MCF2L2: variants seen among roughly 807,000 people sequenced by gnomAD.
MCF2L2 encodes probable guanine nucleotide exchange factor MCF2L2.
A neutral mutation model predicts 150.2 loss-of-function variants in MCF2L2; 102 were observed. The observed-to-expected ratio is 0.68, with a 90% CI of 0.58 to 0.80. MCF2L2 has a LOEUF of 0.80. Ranked by LOEUF, MCF2L2 falls within the 30% of genes least tolerant of loss-of-function variation. MCF2L2 has a pLI of 0.00. For missense variants in MCF2L2, 1,256 were observed against 1,372.8 expected, an observed-to-expected ratio of 0.91 and a Z score of 1.34; for synonymous variants, 465 against 491.3, an observed-to-expected ratio of 0.95 and a Z score of 0.71.
rs1397789361 is a variant in MCF2L2 at position 183,185,816 on chromosome 3, G to T, written c.3017-5657C>A. Among the ~76,000 whole-genome samples, 52 of 152,172 alleles carry T rather than the reference G, an allele frequency of 3.4e-4. 1 individual carries two copies. The highest frequency in any genetic ancestry group is 4.4e-5 in the Non-Finnish European group (3 of 68,038). On this transcript the variant is annotated intron_variant, in intron 27 of 29. Transcript: ENST00000328913. ...GCTGAAACGTCTATTTCATTTGCAAGCCTATCTTTGGCTAAGAGGAAGTGA... is the reference window on the plus strand; with the variant it reads ...GCTGAAACGTCTATTTCATTTGCAATCCTATCTTTGGCTAAGAGGAAGTGA...
At chr3:183,289,051 A>T in intron 14 of MCF2L2, 69 bp downstream of exon 14, 1 of 1,018,442 alleles carries the variant, frequency 9.8e-7, no homozygotes, top group Non-Finnish European at 1.5e-6. Flanking sequence ...TTGTTGATTT[A>T]TTGATAATTG....
At chr3:183,312,698 C>T (rs6790320) in intron 7 of MCF2L2, among the ~76,000 whole-genome samples, 21,422 of 152,192 alleles carry the variant, frequency 0.14, 4,088 homozygotes, top group African/African-American at 0.43. Context: ...GAGCTCATTC[C>T]CTGTGGGAAG....
At chr3:183,261,335 G>GA (rs750640485) in intron 15 of MCF2L2, among the ~76,000 whole-genome samples, 110 of 152,148 alleles carry the variant, frequency 7.2e-4, no homozygotes, top group Admixed American at 3.2e-3. Flanking sequence ...AAGAAGCCAG[G>GA]AAAAAATACT....
At chr3:183,214,922 C>T (rs1011530100) in intron 22 of MCF2L2, among the ~76,000 whole-genome samples, 5 of 151,908 alleles carry the variant, frequency 3.3e-5, no homozygotes, top group Admixed American at 1.3e-4. Context: ...TTGAACCTGG[C>T]GGGCAGAGGT....
intron 15 of MCF2L2, among the ~76,000 whole-genome samples, chr3:183,263,437 A>T (rs1725804738): frequency 6.6e-6 from 1 of 152,096 alleles, no homozygotes; most frequent in Non-Finnish European, 1.5e-5. Flanking sequence ...TAGAGCTCCA[A>T]GACCAGGGCC....
At chr3:183,316,033 G>A (rs1413998372) in intron 7 of MCF2L2, among the ~76,000 whole-genome samples, 1 of 152,162 alleles carries the variant, frequency 6.6e-6, no homozygotes, top group Non-Finnish European at 1.5e-5. Flanking sequence ...GCCGCGCTGG[G>A]CGTCCTTCCC....
intron 6 of MCF2L2, among the ~76,000 whole-genome samples, chr3:183,319,868 A>G (rs759287128): frequency 1.6e-4 from 24 of 152,098 alleles, no homozygotes; most frequent in Non-Finnish European, 2.8e-4. Flanking sequence ...ATTTAGCCTC[A>G]TTCTTAAGGG....
rs1415719431 is a variant in MCF2L2, at chr3:183,179,825, G to C, written c.3106-133C>G. 1.2e-6 allele frequency: 1 copy of C among 805,234 alleles called. No individual in the cohort carries two copies. The highest frequency in any genetic ancestry group is 2.5e-5 in the East Asian group (1 of 40,468). 49.9% of individuals were successfully genotyped at this position (805,234 alleles called of 1,614,324 possible). A position where few individuals can be genotyped will look rare whatever the true frequency, so the allele number is the denominator to read the frequency against. ...CCACCTGGGCCACGGGGCTCTCAGC[G>C]GGAGCCCCAGTTATGACCGGACACC... On this transcript the variant is annotated intron_variant, in intron 28 of 29. Coordinates refer to ENST00000328913, the MANE Select transcript of MCF2L2 (RefSeq NM_015078.4). The surrounding 1 kb of genome is among the most constrained non-coding windows in gnomAD (Gnocchi z 4.2).
In MCF2L2 at chr3:183,269,913, A is replaced by T. The variant is rs768693471; in HGVS notation, c.1862+6959T>A. On this transcript the variant is annotated intron_variant, in intron 15 of 29. Transcript: ENST00000328913. ...TTTTTGGGAACCAATCGATAATCAC[A>T]TTGTGAGCCATATGAAGTCATATTC... 5.6e-6 allele frequency: 9 copies of T among 1,614,014 alleles called. No individual in the cohort carries two copies. In the South Asian group the frequency reaches 9.9e-5, roughly 18 times the overall value.
At chr3:183,201,422 CTGTT>C (rs1482970448) in intron 25 of MCF2L2, among the ~76,000 whole-genome samples, 3 of 152,128 alleles carry the variant, frequency 2.0e-5, no homozygotes, top group Non-Finnish European at 4.4e-5. Context: ...ATTTGGCTCT[CTGTT>C]TGTCTGTTAT....
rs1293171703 is a variant in MCF2L2 at position 183,270,464 on chromosome 3, T to C, written c.1862+6408A>G. 3 of 1,614,106 alleles carry C rather than the reference T, an allele frequency of 1.9e-6. No homozygotes were observed. The highest frequency in any genetic ancestry group is 2.5e-6 in the Non-Finnish European group (3 of 1,180,044). ...GTGTTCAAGACTTTTGGATTGGTCG[T>C]GTTCATCGTGGTGCCCCTCCCATTA... On this transcript the variant is annotated intron_variant, in intron 15 of 29. Transcript: ENST00000328913. The surrounding 1 kb of genome is among the most constrained non-coding windows in gnomAD (Gnocchi z 4.5).
intron 5 of MCF2L2, among the ~76,000 whole-genome samples, chr3:183,334,793 CAAAA>C (rs576703262): frequency 2.3e-5 from 2 of 88,544 alleles, no homozygotes; most frequent in Non-Finnish European, 2.6e-5. Flanking sequence ...AACTCCATTT[CAAAA>C]AAAAAAAAAA....
intron 1 of MCF2L2, among the ~76,000 whole-genome samples, chr3:183,425,903 C>A (rs1038213414): frequency 1.3e-5 from 2 of 151,426 alleles, no homozygotes; most frequent in Non-Finnish European, 2.9e-5. Flanking sequence ...TGCAGTGAGT[C>A]GAGATCACAC....
At chr3:183,204,746 A>G (rs1043804672) in intron 25 of MCF2L2, among the ~76,000 whole-genome samples, 2 of 152,226 alleles carry the variant, frequency 1.3e-5, no homozygotes, top group Non-Finnish European at 2.9e-5. Flanking sequence ...AAAAGGGGAA[A>G]AACCCCAAAT....
intron 15 of MCF2L2, among the ~76,000 whole-genome samples, chr3:183,254,968 A>G (rs988411290): frequency 5.3e-5 from 8 of 152,194 alleles, no homozygotes; most frequent in African/African-American, 1.9e-4. Context: ...TCTTGACTAC[A>G]CCCTGTACAT....
intron 1 of MCF2L2, among the ~76,000 whole-genome samples, chr3:183,410,616 G>A (rs1715273655): frequency 6.6e-6 from 1 of 152,246 alleles, no homozygotes; most frequent in Non-Finnish European, 1.5e-5. Context: ...CACCTAGGCA[G>A]TCACACAGGG....
intron 3 of MCF2L2, among the ~76,000 whole-genome samples, chr3:183,345,528 A>T (rs1233819718): frequency 6.6e-6 from 1 of 152,232 alleles, no homozygotes; most frequent in East Asian, 1.9e-4. Context: ...GCAAGAGCAA[A>T]CACATTCAAA....
intron 15 of MCF2L2, chr3:183,272,800 A>G: frequency 8.5e-7 from 1 of 1,173,676 alleles, no homozygotes. Context: ...GTGTATCTAT[A>G]CTTGGAAGTG....
Position 183,351,231 on chromosome 3 carries a change from TATA to T in MCF2L2, c.276-9604_276-9602del, listed in dbSNP as rs1560035046. Reference sequence around the variant, plus strand: ...ATATATATATATATATATATATATATATATATTTATTTATTTATTTATCAGAAC... The same window carrying T: ...ATATATATATATATATATATATATATTATTTATTTATTTATTTATCAGAAC... On this transcript the variant is annotated intron_variant, in intron 3 of 29. Coordinates refer to ENST00000328913, the MANE Select transcript of MCF2L2 (RefSeq NM_015078.4). 5.8e-3 allele frequency among the ~76,000 whole-genome samples: 533 copies of T among 91,412 alleles called. 1 individual carries two copies. Among genetic ancestry groups the T allele is most frequent in the African/African-American group, 0.011 (179 of 16,930 alleles). 60.0% of individuals were successfully genotyped at this position (91,412 alleles called of 152,430 possible).
Sources: gnomAD v4.1 joint callset for allele counts (sites outside exome capture counted in the v4.1 genomes callset) on GRCh38, gnomAD v4.1.1 for gene constraint, Gnocchi (gnomAD v3.1) non-coding constraint, MANE v1.5 for transcripts, NCBI Gene and HGNC (gene_info 2026-07-23, HGNC 2026-07-21) for gene names.